The following IL13RA1 variants were observed in gnomAD, a reference collection of about 807,000 sequenced individuals.
IL13RA1 encodes the protein interleukin 13 receptor subunit alpha 1, also known as interleukin-13 receptor subunit alpha-1.
IL13RA1 carries 14 observed loss-of-function variants against 33.8 expected under a neutral mutation model. The observed-to-expected ratio is 0.41, with a 90% CI of 0.27 to 0.65. The LOEUF (loss-of-function observed/expected upper bound fraction) is 0.65. IL13RA1 is among the 30% of genes least tolerant of loss of function. The pLI, the probability that IL13RA1 is intolerant of heterozygous loss-of-function variation, is 0.28. For missense variants in IL13RA1, 313 were observed against 327.0 expected, an observed-to-expected ratio of 0.96 and a Z score of 0.33; for synonymous variants, 116 against 115.7, an observed-to-expected ratio of 1.00 and a Z score of -0.02.
At chrX:118,796,772 G>A (rs923547279), downstream of IL13RA1, among the ~76,000 whole-genome samples, 1 of 112,417 alleles carries the variant, frequency 8.9e-6, no homozygotes, top group African/African-American at 3.2e-5. Flanking sequence ...CCGGCCTCAG[G>A]TGATCCGCCC....
At chrX:118,732,129 A>G (rs2017228314) in intron 1 of IL13RA1, among the ~76,000 whole-genome samples, 1 of 111,133 alleles carries the variant, frequency 9.0e-6, no homozygotes, top group Non-Finnish European at 1.9e-5. Flanking sequence ...ATGCTGTGCA[A>G]CCATCATCAC....
intron 6 of IL13RA1, among the ~76,000 whole-genome samples, chrX:118,762,712 G>T (rs1435388045): frequency 1.8e-5 from 2 of 111,791 alleles, no homozygotes; most frequent in Non-Finnish European, 3.8e-5. Flanking sequence ...GCTTTCATGT[G>T]GAAGGGGGCT....
At chrX:118,740,252 C>T (rs779348750) in intron 1 of IL13RA1, among the ~76,000 whole-genome samples, 51 of 112,182 alleles carry the variant, frequency 4.5e-4, no homozygotes, top group Non-Finnish European at 8.3e-4. Context: ...CCGCCGTGCC[C>T]AGTCTGAAGA....
chrX:118,753,435 G>T (rs1334280517), intron 4 of IL13RA1, among the ~76,000 whole-genome samples: 1 of 112,646 alleles, frequency 8.9e-6, no homozygotes, highest in African/African-American at 3.2e-5. Flanking sequence ...ATGTCTTTTT[G>T]CAGGGAACAA....
At chrX:118,782,716 G>A (rs2017858845) in intron 10 of IL13RA1, among the ~76,000 whole-genome samples, 1 of 109,570 alleles carries the variant, frequency 9.1e-6, no homozygotes, top group African/African-American at 3.3e-5. Context: ...TCTGATCTCA[G>A]CCTCCCAAGT....
intron 10 of IL13RA1, among the ~76,000 whole-genome samples, chrX:118,778,317 A>G (rs1159109936): frequency 1.8e-5 from 2 of 111,802 alleles, no homozygotes; most frequent in Admixed American, 9.5e-5. Flanking sequence ...CATTTGGATC[A>G]CTTTTTAACC....
rs2017543153 is a variant in IL13RA1, at chrX:118,757,523, T to TC, written c.489-531dup. Among the ~76,000 whole-genome samples the TC allele has an allele frequency of 1.1e-4, 4 of 36,554 alleles. No individual in the cohort carries two copies. The Admixed American group carries it at 2.2e-3, about 20-fold the overall frequency. 31.7% of individuals were successfully genotyped at this position (36,554 alleles called of 115,157 possible). A position where few individuals can be genotyped will look rare whatever the true frequency, so the allele number is the denominator to read the frequency against. Reference sequence around the variant, plus strand: ...TGGGCAGACAGAGTGAGACTCTGTCTCAAAAAAAAAAAAAAAAAAAAGCAG... The same window carrying TC: ...TGGGCAGACAGAGTGAGACTCTGTCTCCAAAAAAAAAAAAAAAAAAAAGCAG... On this transcript the variant is annotated intron_variant, in intron 4 of 10. Coordinates refer to ENST00000371666, the MANE Select transcript of IL13RA1 (RefSeq NM_001560.3).
intron 1 of IL13RA1, among the ~76,000 whole-genome samples, chrX:118,735,674 A>G (rs899129841): frequency 1.7e-4 from 19 of 111,533 alleles, no homozygotes; most frequent in African/African-American, 5.5e-4. Flanking sequence ...CAGCCACCCA[A>G]GTAGCTGGGA....
chrX:118,745,549 G>A (rs191793423), intron 2 of IL13RA1, among the ~76,000 whole-genome samples: 1 of 111,911 alleles, frequency 8.9e-6, no homozygotes, highest in Non-Finnish European at 1.9e-5. Flanking sequence ...TTGTTGACTT[G>A]GTAGTTACTT....
intron 10 of IL13RA1, among the ~76,000 whole-genome samples, chrX:118,778,241 A>G (rs1022953417): frequency 1.4e-4 from 16 of 111,618 alleles, no homozygotes; most frequent in Non-Finnish European, 2.4e-4. Context: ...GTGATTCTCA[A>G]TGGTAGTGAT....
chrX:118,770,811 C>T, intron 8 of IL13RA1: 1 of 304,370 alleles, frequency 3.3e-6, no homozygotes, highest in South Asian at 3.1e-5. Context: ...TGGTCATCTA[C>T]ATTAGCTACC....
intron 10 of IL13RA1, among the ~76,000 whole-genome samples, chrX:118,790,903 G>A (rs1398761595): frequency 9.0e-6 from 1 of 111,553 alleles, no homozygotes; most frequent in African/African-American, 3.3e-5. Context: ...ACTTTTTTCT[G>A]TAAAGGGCCA....
At chrX:118,766,798 G>A in intron 7 of IL13RA1, 46 bp from the exon 8 acceptor site, 1 of 752,156 alleles carries the variant, frequency 1.3e-6, no homozygotes, top group Non-Finnish European at 2.0e-6. Context: ...CAGTGAAAAA[G>A]AATAAACTGG....
At chrX:118,783,414 A>G (rs1294244684) in intron 10 of IL13RA1, among the ~76,000 whole-genome samples, 2 of 111,853 alleles carry the variant, frequency 1.8e-5, no homozygotes, top group Non-Finnish European at 3.8e-5. Context: ...TTAAAATTAG[A>G]CAGGCATATA....
At chrX:118,781,351 A>G (rs2017840845) in intron 10 of IL13RA1, among the ~76,000 whole-genome samples, 1 of 101,837 alleles carries the variant, frequency 9.8e-6, no homozygotes, top group African/African-American at 3.4e-5. Context: ...TTCAGTGTGT[A>G]TCTTTTTTTT....
chrX:118,752,841 G>T (rs973315504), intron 4 of IL13RA1, among the ~76,000 whole-genome samples: 18 of 112,246 alleles, frequency 1.6e-4, no homozygotes, highest in Admixed American at 1.1e-3. Context: ...GGATTGAGTA[G>T]ATCCAGCTCC....
intron 6 of IL13RA1, among the ~76,000 whole-genome samples, chrX:118,766,129 T>C (rs1166232565): frequency 1.8e-5 from 2 of 112,371 alleles, no homozygotes; most frequent in East Asian, 5.5e-4. Context: ...GATGACTTTA[T>C]TAAAAAATTC....
intron 6 of IL13RA1, among the ~76,000 whole-genome samples, chrX:118,763,282 G>A (rs1438763137): frequency 2.7e-5 from 3 of 112,741 alleles, no homozygotes; most frequent in Non-Finnish European, 3.8e-5. Flanking sequence ...CAGCTAACCT[G>A]TATTGAGTGA....
the IL13RA1 span, among the ~76,000 whole-genome samples, chrX:118,799,564 C>G: frequency 9.0e-6 from 1 of 111,044 alleles, no homozygotes; most frequent in Non-Finnish European, 1.9e-5. Context: ...TGTGGAGAAC[C>G]TTTATGTCTA....
Sources: gnomAD v4.1 joint callset for allele counts (sites outside exome capture counted in the v4.1 genomes callset) on GRCh38, gnomAD v4.1.1 for gene constraint, MANE v1.5 for transcripts, NCBI Gene and HGNC (gene_info 2026-07-23, HGNC 2026-07-21) for gene names.